The following MAP3K14 variants were observed in gnomAD, a reference collection of about 807,000 sequenced individuals.
The protein encoded by MAP3K14 is mitogen-activated protein kinase kinase kinase 14.
Under a neutral mutation model 99.2 loss-of-function variants are expected in MAP3K14, and 16 were observed. The ratio of observed to expected loss-of-function variants is 0.16; its 90% CI spans 0.11 to 0.24. The LOEUF (loss-of-function observed/expected upper bound fraction) is 0.24, where lower values mean the gene tolerates loss of function less well. MAP3K14 is among the 10% of genes least tolerant of loss of function. The pLI is 1.00. For synonymous variants in MAP3K14, 462 were observed against 492.4 expected, an observed-to-expected ratio of 0.94 and a Z score of 0.82; for missense variants, 784 against 1,208.7, an observed-to-expected ratio of 0.65 and a Z score of 5.21.
intron 7 of MAP3K14, 98 bp from the exon 8 acceptor site, chr17:45,274,352 A>G: frequency 6.4e-7 from 1 of 1,570,200 alleles, no homozygotes; most frequent in Non-Finnish European, 8.7e-7. Flanking sequence ...GCAGGGTCAC[A>G]GGGTCAAGAG....
rs1407498963 is a variant in MAP3K14, at chr17:45,287,551, G to C, written c.327-187C>G. On this transcript the variant is annotated intron_variant, in intron 3 of 15. Coordinates refer to ENST00000344686, the MANE Select transcript of MAP3K14 (RefSeq NM_003954.5). The stretch of plus-strand genomic sequence containing the variant: ...TCTCACTTATCTCACTTATAAAATG[G>C]GTTTGGTATTTTCTGCCATACAGGG... Among the ~76,000 whole-genome samples the C allele has an allele frequency of 2.0e-5, 3 of 152,152 alleles. No individual in the cohort carries two copies. The East Asian group carries it at 5.8e-4, about 29-fold the overall frequency.
At position 45,267,820 on chromosome 17, in the gene MAP3K14, C is replaced by T; in HGVS notation, c.1973-61G>A. ...TGCTGTGCACAGACAGCGGTCCAGG[C>T]AGGAGCGGCCTCTCCTGAGTGCAGA... On this transcript the variant is annotated intron_variant, in intron 11 of 15. Coordinates refer to ENST00000344686, the MANE Select transcript of MAP3K14 (RefSeq NM_003954.5). The surrounding 1 kb of genome is among the most constrained non-coding windows in gnomAD (Gnocchi z 5.1). 2 of 1,432,694 alleles carry T rather than the reference C, an allele frequency of 1.4e-6. No homozygotes were observed. The highest frequency in any genetic ancestry group is 2.4e-5 in the South Asian group (2 of 83,342). The allele number at this position is 1,432,694 out of a possible 1,614,324, so 88.7% of individuals were successfully genotyped here. A position where few individuals can be genotyped will look rare whatever the true frequency, so the allele number is the denominator to read the frequency against.
At chr17:45,303,643 G>C (rs537485536) in intron 1 of MAP3K14, among the ~76,000 whole-genome samples, 2 of 152,010 alleles carry the variant, frequency 1.3e-5, no homozygotes, top group South Asian at 4.1e-4. Flanking sequence ...AAAAATCCCG[G>C]CACCGTCCCG....
intron 11 of MAP3K14, among the ~76,000 whole-genome samples, chr17:45,268,839 A>G (rs1372380744): frequency 6.6e-6 from 1 of 152,128 alleles, no homozygotes; most frequent in Non-Finnish European, 1.5e-5. Flanking sequence ...CAGTGCACCC[A>G]GGGGTAGAAG....
intron 14 of MAP3K14, 114 bp from the exon 15 acceptor site, chr17:45,265,377 G>C (rs368813174): frequency 1.4e-6 from 1 of 717,140 alleles, no homozygotes; most frequent in East Asian, 2.5e-5. Flanking sequence ...CCCTATGTAG[G>C]GGGAGCAGGT....
intron 1 of MAP3K14, among the ~76,000 whole-genome samples, chr17:45,307,969 C>T (rs2044442940): frequency 6.6e-6 from 1 of 152,198 alleles, no homozygotes; most frequent in Admixed American, 6.5e-5. Context: ...ACCAAGTAAC[C>T]AGCTTGAGGA....
chr17:45,267,434 C>T lies in MAP3K14; in HGVS notation c.2298G>A (p.Pro766=), dbSNP rs17846846. 1.2e-4 allele frequency: 197 copies of T among 1,603,562 alleles called. No homozygotes were observed. In the East Asian group the frequency reaches 2.8e-3, roughly 23 times the overall value. The change falls in exon 12 of 16, where the codon CCG becomes CCA. Residue 766 remains proline, a synonymous_variant. Coordinates refer to ENST00000344686, the MANE Select transcript of MAP3K14 (RefSeq NM_003954.5). The surrounding 1 kb of genome is among the most constrained non-coding windows in gnomAD (Gnocchi z 5.1). The stretch of plus-strand genomic sequence containing the variant: ...TTTCCAGCTGCTGCAGTTCCTGCTC[C>T]GGGACGGTTGCTTTCCGCTCTGGTG... ...PSSPERKATV[P]EQELQQLEIE...
chr17:45,293,908 G>A (rs79032517), intron 1 of MAP3K14, among the ~76,000 whole-genome samples: 3,389 of 152,214 alleles, frequency 0.022, 152 homozygotes, highest in African/African-American at 0.078. Flanking sequence ...CTGGACTCTG[G>A]TCTACAAAAA....
chr17:45,283,346 C>G (rs1319366945), intron 6 of MAP3K14, among the ~76,000 whole-genome samples: 1 of 152,222 alleles, frequency 6.6e-6, no homozygotes, highest in Non-Finnish European at 1.5e-5. Flanking sequence ...TCCACACTGG[C>G]AAGAACTCGG....
Position 45,290,688 on chromosome 17 carries a change from T to C in MAP3K14, c.58A>G (p.Lys20Glu), listed in dbSNP as rs2044303278. The change falls in exon 2 of 16, where the codon AAG (lysine) becomes GAG (glutamate). Residue 20 changes from lysine (K) to glutamate (E), a missense_variant. This residue lies in a region of MAP3K14 where 188 missense variants were observed against 313.0 expected (regional missense o/e 0.60). Coordinates refer to ENST00000344686, the MANE Select transcript of MAP3K14 (RefSeq NM_003954.5). Reference protein sequence around the residue: ...GAPGSAVGQQKELPKAKEKTP... With the variant: ...GAPGSAVGQQEELPKAKEKTP... ...TTCTCCTTGGCTTTGGGGAGTTCCT[T>C]CTGCTGCCCCACTGCTGAGCCAGGG... 1.2e-6 allele frequency: 2 copies of C among 1,613,290 alleles called. No homozygotes were observed. The highest frequency in any genetic ancestry group is 1.7e-6 in the Non-Finnish European group (2 of 1,179,786).
intron 1 of MAP3K14, among the ~76,000 whole-genome samples, chr17:45,297,716 C>CTTTTT (rs34809589): frequency 5.4e-5 from 6 of 110,960 alleles, no homozygotes; most frequent in African/African-American, 1.4e-4. Context: ...TGGTTTAAAT[C>CTTTTT]TTTTTTTTTT....
intron 1 of MAP3K14, among the ~76,000 whole-genome samples, chr17:45,301,674 G>A (rs1471602049): frequency 1.3e-5 from 2 of 152,114 alleles, no homozygotes; most frequent in African/African-American, 2.4e-5. Context: ...ATATACATGT[G>A]TCGGTATATT....
Position 45,267,527 on chromosome 17 carries a change from C to T in MAP3K14, c.2205G>A (p.Glu735=), listed in dbSNP as rs1208803055. ...NKSPPLTLSK[E]ESGMWEPLPL... Reference sequence around the variant, plus strand: ...GTAAGGGTTCCCACATCCCAGACTCCTCCTTGCTCAAAGTCAAGGGAGGAG... The same window carrying T: ...GTAAGGGTTCCCACATCCCAGACTCTTCCTTGCTCAAAGTCAAGGGAGGAG... The change falls in exon 12 of 16, where the codon GAG becomes GAA. Residue 735 remains glutamate, a synonymous_variant. Coordinates refer to ENST00000344686, the MANE Select transcript of MAP3K14 (RefSeq NM_003954.5). The surrounding 1 kb of genome is among the most constrained non-coding windows in gnomAD (Gnocchi z 5.1). 6.2e-7 allele frequency: 1 copy of T among 1,613,426 alleles called. No individual in the cohort carries two copies. Among genetic ancestry groups the T allele is most frequent in the South Asian group, 1.1e-5 (1 of 91,032 alleles).
At position 45,284,869 on chromosome 17, in the gene MAP3K14, G is replaced by A. The variant is rs770131219; in HGVS notation, c.1233C>T (p.Phe411=). Residue 411 remains phenylalanine (F), a synonymous_variant, in exon 6 of 16, where the codon TTC becomes TTT. Transcript: ENST00000344686. The stretch of plus-strand genomic sequence containing the variant: ...TGTCCTCCATCCTGTGCACCTCTCC[G>A]AAGGAGCCTCTGCCCAGGCGGAGCT... The part of the protein sequence containing the change: ...THQLRLGRGS[F]GEVHRMEDKQ... 38 of 1,581,500 alleles carry A rather than the reference G, an allele frequency of 2.4e-5. No individual in the cohort carries two copies. Among genetic ancestry groups the A allele is most frequent in the Middle Eastern group, 1.7e-4 (1 of 6,022 alleles).
chr17:45,310,082 T>C (rs756007311), intron 1 of MAP3K14, among the ~76,000 whole-genome samples: 2 of 147,216 alleles, frequency 1.4e-5, no homozygotes, highest in Non-Finnish European at 3.0e-5. Flanking sequence ...TCGCCCAGGC[T>C]GGAGTGCAAT....
At chr17:45,291,358 C>T (rs1047922047) in intron 1 of MAP3K14, among the ~76,000 whole-genome samples, 1 of 152,086 alleles carries the variant, frequency 6.6e-6, no homozygotes, top group Non-Finnish European at 1.5e-5. Flanking sequence ...AAATGGTGCT[C>T]AGCACGTGGT....
At chr17:45,275,760 CTTTTTTTTTTTT>C (rs369154222) in intron 6 of MAP3K14, among the ~76,000 whole-genome samples, 2 of 123,550 alleles carry the variant, frequency 1.6e-5, no homozygotes, top group African/African-American at 6.4e-5. Context: ...CTTTTCTTTT[CTTTTTTTTTTTT>C]TTTTTTGAGA....
In MAP3K14 at chr17:45,290,604, T is replaced by C. The variant is rs1304736124; in HGVS notation, c.142A>G (p.Ser48Gly). The change falls in exon 2 of 16, where the codon AGC (serine) becomes GGC (glycine). Residue 48 changes from serine (S) to glycine (G), a missense_variant. Physicochemically the swap from Ser to Gly is moderately conservative, Grantham distance 56 (BLOSUM62 0). Coordinates refer to ENST00000344686, the MANE Select transcript of MAP3K14 (RefSeq NM_003954.5). The stretch of plus-strand genomic sequence containing the variant: ...TCCCACTTTCCGCAGAACACAGGGC[T>C]CTTCTCCACGGCCTCAAGCTTGTAG... ...SVYKLEAVEK[S>G]PVFCGKWEIL... 6.2e-7 allele frequency: 1 copy of C among 1,613,738 alleles called. No homozygotes were observed. Among genetic ancestry groups the C allele is most frequent in the South Asian group, 1.1e-5 (1 of 91,076 alleles).
chr17:45,290,720 G>A lies in MAP3K14; in HGVS notation c.26C>T (p.Pro9Leu), dbSNP rs536369201. Residue 9 changes from proline (P) to leucine (L), a missense_variant, in exon 2 of 16, where the codon CCA becomes CTA. Physicochemically the swap from Pro to Leu is moderately conservative, Grantham distance 98. Around this residue, in one of 5 missense-constraint regions of MAP3K14, gnomAD observed 188 missense variants for 313.0 expected, o/e 0.60. Transcript: ENST00000344686. MAVMEMAC[P>L]GAPGSAVGQQ... ...CCCCACTGCTGAGCCAGGGGCACCT[G>A]GGCAGGCCATTTCCATCACTGCCAT... 2 of 1,613,286 alleles carry A rather than the reference G, an allele frequency of 1.2e-6. No homozygotes were observed. The highest frequency in any genetic ancestry group is 2.2e-5 in the East Asian group (1 of 44,778).
Sources: allele counts gnomAD v4.1 joint callset (sites outside exome capture counted in the v4.1 genomes callset), GRCh38; gene constraint gnomAD v4.1.1; regional missense constraint gnomAD v4.1.1; non-coding constraint Gnocchi (gnomAD v3.1); transcripts MANE v1.5; gene names NCBI Gene and HGNC (gene_info 2026-07-23, HGNC 2026-07-21).